LUZP1: variants seen among roughly 807,000 people sequenced by gnomAD.
The protein encoded by LUZP1 is filamin mechanobinding actin cross-linking protein.
A neutral mutation model predicts 71.3 loss-of-function variants in LUZP1; 25 were observed. That is an observed-to-expected ratio of 0.35 (90% CI 0.26 to 0.49). LUZP1 has a LOEUF of 0.49. Among genes scored for constraint, LUZP1 ranks in the 20% least tolerant of loss-of-function variants. LUZP1 has a pLI of 0.99. For missense variants in LUZP1, 1,142 were observed against 1,300.8 expected, an observed-to-expected ratio of 0.88 and a Z score of 1.88; for synonymous variants, 481 against 506.4, an observed-to-expected ratio of 0.95 and a Z score of 0.67.
intron 2 of LUZP1, among the ~76,000 whole-genome samples, chr1:23,135,744 T>C (rs191721505): frequency 6.6e-6 from 1 of 152,314 alleles, no homozygotes; most frequent in Admixed American, 6.5e-5. Flanking sequence ...GAGAATATTA[T>C]TAAAATTTTA....
In LUZP1 at chr1:23,137,777, C is replaced by A. The variant is rs574996082; in HGVS notation, c.-225-28650G>T. On this transcript the variant is annotated intron_variant, in intron 2 of 4. Transcript: ENST00000302291. ...GCTATTGAGAATGTAACATGATACA[C>A]TGTGAAAAATGTCTGACAGTTTGTC... Among the ~76,000 whole-genome samples the A allele has an allele frequency of 2.0e-5, 3 of 152,232 alleles. No individual in the cohort carries two copies. The South Asian group carries it at 6.2e-4, about 32-fold the overall frequency.
chr1:23,137,881 T>C (rs1435123216), intron 2 of LUZP1, among the ~76,000 whole-genome samples: 2 of 152,224 alleles, frequency 1.3e-5, no homozygotes, highest in Non-Finnish European at 1.5e-5. Flanking sequence ...AAAACTTATG[T>C]CCATACCAAA....
chr1:23,172,843 A>AT (rs910000123), intron 1 of LUZP1, among the ~76,000 whole-genome samples: 3 of 149,492 alleles, frequency 2.0e-5, no homozygotes, highest in African/African-American at 4.9e-5. Flanking sequence ...TTTTATTTTT[A>AT]TTTTTTTTGA....
At chr1:23,119,714 T>C (rs1325363390) in intron 2 of LUZP1, among the ~76,000 whole-genome samples, 1 of 152,192 alleles carries the variant, frequency 6.6e-6, no homozygotes, top group African/African-American at 2.4e-5. Flanking sequence ...AATCCAAGCA[T>C]GTGCATAGAA....
intron 2 of LUZP1, among the ~76,000 whole-genome samples, chr1:23,147,897 G>A (rs914365287): frequency 1.3e-5 from 2 of 152,106 alleles, no homozygotes; most frequent in South Asian, 4.1e-4. Flanking sequence ...TAATATTGCT[G>A]CCTATGCAAG....
In LUZP1 at chr1:23,110,471, C is replaced by T. The variant is rs531126382; in HGVS notation, c.-225-1344G>A. Among the ~76,000 whole-genome samples, 5 of 152,182 alleles carry T rather than the reference C, an allele frequency of 3.3e-5. 1 individual carries two copies. In the South Asian group the frequency reaches 1.0e-3, roughly 32 times the overall value. Reference sequence around the variant, plus strand: ...TTTGTACATGATCTTACAAACTATCCTCCCTTCTTTCATCACAACTGCCTC... The same window carrying T: ...TTTGTACATGATCTTACAAACTATCTTCCCTTCTTTCATCACAACTGCCTC... On this transcript the variant is annotated intron_variant, in intron 2 of 4. Coordinates refer to ENST00000302291, the Ensembl canonical transcript of LUZP1.
rs1643884414 is a variant in LUZP1, at chr1:23,094,837, T to C, written c.-119-457A>G. ...AACAAAGCAATAAACAATCCTAAGA[T>C]TTTTTTTTTTAAAGATTATCTCTTA... On this transcript the variant is annotated intron_variant, in intron 3 of 4. Transcript: ENST00000302291. The surrounding 1 kb of genome is among the most constrained non-coding windows in gnomAD (Gnocchi z 4.7). Among the ~76,000 whole-genome samples, 1 of 147,692 alleles carries C rather than the reference T, an allele frequency of 6.8e-6. No individual in the cohort carries two copies. The highest frequency in any genetic ancestry group is 6.7e-5 in the Admixed American group (1 of 14,860).
At chr1:23,092,513 C>T (rs780287593) in exon 4 of LUZP1, 2 of 1,614,200 alleles carry the variant, frequency 1.2e-6, no homozygotes, top group Admixed American at 1.7e-5. Context: ...CATTGGCAGC[C>T]TTTTTGCCTT....
intron 2 of LUZP1, among the ~76,000 whole-genome samples, chr1:23,149,694 G>A (rs1644368407): frequency 6.6e-6 from 1 of 152,060 alleles, no homozygotes. Context: ...AAGTAAAAGG[G>A]CCGGGCGTGG....
At chr1:23,143,188 T>C (rs1644318575) in intron 2 of LUZP1, among the ~76,000 whole-genome samples, 4 of 152,006 alleles carry the variant, frequency 2.6e-5, no homozygotes, top group South Asian at 2.1e-4. Context: ...TTTGTATTTT[T>C]AGTAGAGACG....
At chr1:23,120,980 T>C (rs1350202755) in intron 2 of LUZP1, among the ~76,000 whole-genome samples, 1 of 152,120 alleles carries the variant, frequency 6.6e-6, no homozygotes, top group African/African-American at 2.4e-5. Context: ...ACCTCTTAAG[T>C]TTTTCTCGTC....
chr1:23,158,430 C>G (rs1304426690), intron 2 of LUZP1, among the ~76,000 whole-genome samples: 1 of 151,794 alleles, frequency 6.6e-6, no homozygotes, highest in East Asian at 1.9e-4. Flanking sequence ...GCAGGCAGAT[C>G]ACGCGGTCAG....
intron 2 of LUZP1, among the ~76,000 whole-genome samples, chr1:23,167,620 C>A (rs1644520192): frequency 2.6e-5 from 4 of 152,240 alleles, no homozygotes. Flanking sequence ...ACAAGCTCTG[C>A]AGTGTTAGGA....
chr1:23,171,123 C>T (rs1644550728), intron 1 of LUZP1, among the ~76,000 whole-genome samples: 2 of 127,288 alleles, frequency 1.6e-5, no homozygotes, highest in Non-Finnish European at 3.2e-5. Context: ...TATATAATTA[C>T]TGTATGATTT....
intron 1 of LUZP1, among the ~76,000 whole-genome samples, chr1:23,169,543 T>G (rs1013087211): frequency 6.6e-6 from 1 of 152,212 alleles, no homozygotes; most frequent in African/African-American, 2.4e-5. Flanking sequence ...TGCTATTAAT[T>G]CTTTGTGTGA....
exon 4 of LUZP1, chr1:23,092,903 G>C: frequency 6.2e-7 from 1 of 1,613,784 alleles, no homozygotes; most frequent in Non-Finnish European, 8.5e-7. Flanking sequence ...GTACAAACCG[G>C]TCTTCAGTTT....
At chr1:23,121,124 C>T (rs571069032) in intron 2 of LUZP1, among the ~76,000 whole-genome samples, 4 of 152,228 alleles carry the variant, frequency 2.6e-5, no homozygotes, top group Non-Finnish European at 5.9e-5. Flanking sequence ...ATAAACAAAG[C>T]TAAAAAAATA....
chr1:23,092,565 G>A, exon 4 of LUZP1: 1 of 1,614,150 alleles, frequency 6.2e-7, no homozygotes, highest in Non-Finnish European at 8.5e-7. Context: ...TGAGGCCAGG[G>A]CTCCAATGGC....
chr1:23,136,494 T>C (rs1004666311), intron 2 of LUZP1, among the ~76,000 whole-genome samples: 14 of 152,162 alleles, frequency 9.2e-5, no homozygotes, highest in Non-Finnish European at 1.8e-4. Context: ...CAAACTTTAG[T>C]ATTGTGTGAC....
Sources: gnomAD v4.1 joint callset for allele counts (sites outside exome capture counted in the v4.1 genomes callset) on GRCh38, gnomAD v4.1.1 for gene constraint, Gnocchi (gnomAD v3.1) non-coding constraint, MANE v1.5 for transcripts, NCBI Gene and HGNC (gene_info 2026-07-23, HGNC 2026-07-21) for gene names.